Variants in ZZZ3 observed in about 807,000 individuals in gnomAD.
The protein encoded by ZZZ3 is ZZ-type zinc finger-containing protein 3.
A neutral mutation model predicts 95.2 loss-of-function variants in ZZZ3; 22 were observed. That is an observed-to-expected ratio of 0.23 (90% CI 0.17 to 0.33). ZZZ3 has a LOEUF of 0.33. Ranked by LOEUF, ZZZ3 falls within the 10% of genes least tolerant of loss-of-function variation. The pLI is 1.00. For missense variants in ZZZ3, 885 were observed against 1,066.5 expected (o/e 0.83, Z 2.37); for synonymous variants, 335 against 358.9 (o/e 0.93, Z 0.75).
At position 77,581,086 on chromosome 1, in the gene ZZZ3, G is replaced by C; in HGVS notation, c.1909-17C>G. ...TCTTATCATCTGCACATAAGACAAGGCTTTTGTCAGAGAGAAAATAACAAC... is the reference window on the plus strand; with the variant it reads ...TCTTATCATCTGCACATAAGACAAGCCTTTTGTCAGAGAGAAAATAACAAC... On this transcript the variant is annotated splice_polypyrimidine_tract_variant and intron_variant, in intron 8 of 14. Transcript: ENST00000370801. The C allele has an allele frequency of 6.2e-7, 1 of 1,608,192 alleles. No individual in the cohort carries two copies. The highest frequency in any genetic ancestry group is 1.1e-5 in the South Asian group (1 of 90,880).
At chr1:77,591,990 G>A (rs1663747598) in intron 5 of ZZZ3, among the ~76,000 whole-genome samples, 1 of 152,074 alleles carries the variant, frequency 6.6e-6, no homozygotes, top group African/African-American at 2.4e-5. Flanking sequence ...GCCAAGGAAC[G>A]TAAGACAAAG....
intron 1 of ZZZ3, among the ~76,000 whole-genome samples, chr1:77,674,150 A>T (rs1236529357): frequency 1.3e-5 from 2 of 152,216 alleles, no homozygotes; most frequent in Non-Finnish European, 1.5e-5. Flanking sequence ...AGTTTAAAAC[A>T]AAGAAGGCTT....
At chr1:77,648,465 A>G (rs1347951703) in intron 1 of ZZZ3, among the ~76,000 whole-genome samples, 1 of 152,152 alleles carries the variant, frequency 6.6e-6, no homozygotes, top group Non-Finnish European at 1.5e-5. Context: ...AGAATACTAA[A>G]TCAGTTATAA....
At chr1:77,649,326 A>G (rs1326262648) in intron 1 of ZZZ3, among the ~76,000 whole-genome samples, 1 of 152,194 alleles carries the variant, frequency 6.6e-6, no homozygotes, top group Non-Finnish European at 1.5e-5. Context: ...CACATGCCAG[A>G]AAACAGTGAG....
chr1:77,584,577 G>T lies in ZZZ3; in HGVS notation c.1584C>A (p.Gly528=), dbSNP rs764530246. The T allele has an allele frequency of 4.3e-6, 7 of 1,613,162 alleles. No homozygotes were observed. The African/African-American group carries it at 8.0e-5, about 18-fold the overall frequency. ...TTTTCAGTGCTTCTCTCTGGTGCCT[G>T]CCTAAACTTTCAAGGTCTTGGACTG... ...SQAVQDLESL[G]RHQREALKNP... The change falls in exon 6 of 15, where the codon GGC becomes GGA. Residue 528 remains glycine (G), a synonymous_variant. Coordinates refer to ENST00000370801, the MANE Select transcript of ZZZ3 (RefSeq NM_015534.6).
intron 1 of ZZZ3, among the ~76,000 whole-genome samples, chr1:77,659,165 C>A (rs992973523): frequency 6.6e-6 from 1 of 151,824 alleles, no homozygotes; most frequent in African/African-American, 2.4e-5. Context: ...TTGCGGTGAG[C>A]CGAGATCATG....
intron 1 of ZZZ3, among the ~76,000 whole-genome samples, chr1:77,674,851 C>G (rs536816667): frequency 2.1e-3 from 320 of 150,748 alleles, no homozygotes; most frequent in Non-Finnish European, 3.6e-3. Context: ...ACTCAGGAGG[C>G]TAAGTCAGGA....
intron 5 of ZZZ3, among the ~76,000 whole-genome samples, chr1:77,587,619 C>G (rs1334383833): frequency 1.3e-5 from 2 of 152,186 alleles, no homozygotes; most frequent in African/African-American, 4.8e-5. Flanking sequence ...CTGGGCTGAT[C>G]AGATCACAGC....
intron 5 of ZZZ3, among the ~76,000 whole-genome samples, chr1:77,611,724 A>G (rs964824806): frequency 6.6e-6 from 1 of 152,054 alleles, no homozygotes. Context: ...GCGAAAACAC[A>G]CAATAAGGGA....
chr1:77,629,286 C>T (rs1452568917), intron 5 of ZZZ3, among the ~76,000 whole-genome samples: 2 of 151,950 alleles, frequency 1.3e-5, no homozygotes, highest in African/African-American at 4.8e-5. Context: ...TTCTGATTTG[C>T]TTCCTTTGAA....
intron 5 of ZZZ3, among the ~76,000 whole-genome samples, chr1:77,626,933 T>A (rs1667393069): frequency 6.6e-6 from 1 of 152,198 alleles, no homozygotes; most frequent in East Asian, 1.9e-4. Context: ...ATGAAAGTAT[T>A]TCATTCAATA....
At chr1:77,644,351 C>A (rs911713027) in intron 1 of ZZZ3, among the ~76,000 whole-genome samples, 1 of 152,250 alleles carries the variant, frequency 6.6e-6, no homozygotes, top group Non-Finnish European at 1.5e-5. Context: ...AGGCATGAGC[C>A]ACCACGCCCA....
chr1:77,584,545 A>G lies in ZZZ3; in HGVS notation c.1616T>C (p.Ile539Thr), dbSNP rs776149055. ...RHQREALKNPIGFVEKLQKKA... is the reference protein window; with the variant it reads ...RHQREALKNPTGFVEKLQKKA... The stretch of plus-strand genomic sequence containing the variant: ...CTTCTGGAGTTTTTCCACAAATCCA[A>G]TGGGATTTTTCAGTGCTTCTCTCTG... The change falls in exon 6 of 15, where the codon ATT (isoleucine) becomes ACT (threonine). Residue 539 changes from isoleucine (I) to threonine (T), a missense_variant. Ile to Thr is a moderately conservative substitution (Grantham distance 89, BLOSUM62 -1). Around this residue, in one of 5 missense-constraint regions of ZZZ3, gnomAD observed 556 missense variants for 652.9 expected, o/e 0.85. Coordinates refer to ENST00000370801, the MANE Select transcript of ZZZ3 (RefSeq NM_015534.6). 4 of 1,612,342 alleles carry G rather than the reference A, an allele frequency of 2.5e-6. No individual in the cohort carries two copies. Among genetic ancestry groups the G allele is most frequent in the Admixed American group, 1.7e-5 (1 of 59,532 alleles).
chr1:77,658,867 T>C (rs530769715), intron 1 of ZZZ3, among the ~76,000 whole-genome samples: 6 of 152,332 alleles, frequency 3.9e-5, no homozygotes, highest in African/African-American at 1.2e-4. Context: ...AATGTTTCCA[T>C]CCTTGAAGGA....
chr1:77,589,138 A>T (rs1663400868), intron 5 of ZZZ3, among the ~76,000 whole-genome samples: 1 of 152,152 alleles, frequency 6.6e-6, no homozygotes, highest in African/African-American at 2.4e-5. Context: ...TGGCCTCCCA[A>T]AGTGTTGGGA....
intron 5 of ZZZ3, among the ~76,000 whole-genome samples, chr1:77,622,514 A>T (rs574566455): frequency 6.6e-6 from 1 of 152,282 alleles, no homozygotes; most frequent in South Asian, 2.1e-4. Context: ...TGGATTGAAA[A>T]AGAACATATT....
intron 5 of ZZZ3, among the ~76,000 whole-genome samples, chr1:77,611,605 G>C (rs1434605640): frequency 6.6e-6 from 1 of 151,828 alleles, no homozygotes; most frequent in African/African-American, 2.4e-5. Context: ...ACTACACAAA[G>C]CTATTACAAT....
In ZZZ3 at chr1:77,639,588, A is replaced by C; in HGVS notation, c.-191T>G. ...AGCTTCAGCCATGAAGAATACTAGA[A>C]CCTCCTAAATTTTTCTTTAAAATAA... On this transcript the variant is annotated 5_prime_UTR_variant, in exon 4 of 15. Transcript: ENST00000370801. The C allele has an allele frequency of 1.6e-6, 1 of 622,866 alleles. No individual in the cohort carries two copies. The allele number at this position is 622,866 out of a possible 1,614,324, so 38.6% of individuals were successfully genotyped here.
rs570338683 is a variant in ZZZ3 at position 77,655,606 on chromosome 1, C to T, written c.-402-13951G>A. Among the ~76,000 whole-genome samples the T allele has an allele frequency of 9.8e-5, 15 of 152,314 alleles. No individual in the cohort carries two copies. The South Asian group carries it at 2.9e-3, about 29-fold the overall frequency. The stretch of plus-strand genomic sequence containing the variant: ...TTTCTGTTACAGCTGCCCAAACAGA[C>T]TAAGACAATAGCTAATGAGACAGAC... On this transcript the variant is annotated intron_variant, in intron 1 of 14. Coordinates refer to ENST00000370801, the MANE Select transcript of ZZZ3 (RefSeq NM_015534.6).
Sources: gnomAD v4.1 joint callset for allele counts (sites outside exome capture counted in the v4.1 genomes callset) on GRCh38, gnomAD v4.1.1 for gene constraint, gnomAD v4.1.1 regional missense constraint, MANE v1.5 for transcripts, NCBI Gene and HGNC (gene_info 2026-07-23, HGNC 2026-07-21) for gene names.